The following ZFYVE16 variants were observed in gnomAD, a reference collection of about 807,000 sequenced individuals.
ZFYVE16 encodes zinc finger FYVE domain-containing protein 16.
A neutral mutation model predicts 138.1 loss-of-function variants in ZFYVE16; 89 were observed. The observed-to-expected ratio is 0.64, with a 90% CI of 0.54 to 0.77. ZFYVE16 has a LOEUF of 0.77. ZFYVE16 is among the 30% of genes least tolerant of loss of function. The pLI is 0.00. For missense variants in ZFYVE16, 1,793 were observed against 1,786.7 expected, an observed-to-expected ratio of 1.00 and a Z score of -0.06; for synonymous variants, 596 against 618.3, an observed-to-expected ratio of 0.96 and a Z score of 0.53.
At chr5:80,450,113 A>G (rs565364590) in intron 9 of ZFYVE16, among the ~76,000 whole-genome samples, 1 of 152,338 alleles carries the variant, frequency 6.6e-6, no homozygotes, top group African/African-American at 2.4e-5. Context: ...AAAAGGAAGT[A>G]ATCATTAATA....
At chr5:80,435,136 G>A (rs1368330501) in intron 3 of ZFYVE16, among the ~76,000 whole-genome samples, 1 of 152,190 alleles carries the variant, frequency 6.6e-6, no homozygotes, top group Non-Finnish European at 1.5e-5. Flanking sequence ...CCAGGTTCAA[G>A]CGATTCTCCT....
chr5:80,437,891 A>G lies in ZFYVE16; in HGVS notation c.1206A>G (p.Glu402=), dbSNP rs1025330611. The G allele has an allele frequency of 5.0e-6, 8 of 1,614,100 alleles. No homozygotes were observed. Among genetic ancestry groups the G allele is most frequent in the African/African-American group, 1.3e-5 (1 of 75,054 alleles). ...GGGGTGATTTTTTACCTCAGCATGA[A>G]CATAAAGATAATATACAAGATGCAG... is the stretch of plus-strand genomic sequence containing the variant. ...KARGDFLPQH[E]HKDNIQDAVT... is the part of the protein sequence containing the mutation. Residue 402 remains glutamate (E), a synonymous_variant, in exon 4 of 19, where the codon GAA becomes GAG. Transcript: ENST00000505560.
intron 15 of ZFYVE16, 33 bp from the exon 16 acceptor site, chr5:80,472,728 C>A (rs749142718): frequency 6.3e-6 from 10 of 1,599,024 alleles, no homozygotes; most frequent in Non-Finnish European, 6.8e-6. Flanking sequence ...TGGTATTTGG[C>A]AAAAGAAATG....
chr5:80,426,200 TG>T (rs879602861), intron 1 of ZFYVE16, among the ~76,000 whole-genome samples: 4,536 of 65,378 alleles, frequency 0.069, 75 homozygotes, highest in African/African-American at 0.076. Context: ...TGTGTGTGTG[TG>T]GTGTGTGTGT....
intron 2 of ZFYVE16, among the ~76,000 whole-genome samples, chr5:80,428,017 G>A (rs997385846): frequency 1.5e-4 from 22 of 145,560 alleles, no homozygotes; most frequent in African/African-American, 2.5e-4. Flanking sequence ...CAAGATGGCC[G>A]AATAGGAACA....
intron 1 of ZFYVE16, among the ~76,000 whole-genome samples, chr5:80,426,888 T>C (rs1399870911): frequency 6.6e-6 from 1 of 152,204 alleles, no homozygotes; most frequent in African/African-American, 2.4e-5. Flanking sequence ...AGTGTTCCTA[T>C]TTCTCCACAG....
At chr5:80,460,004 T>C (rs1232404690) in intron 15 of ZFYVE16, among the ~76,000 whole-genome samples, 3 of 152,190 alleles carry the variant, frequency 2.0e-5, no homozygotes, top group African/African-American at 4.8e-5. Context: ...CTGTAAAATA[T>C]ATATGCAAGA....
At chr5:80,470,065 G>A (rs754415439) in intron 15 of ZFYVE16, among the ~76,000 whole-genome samples, 23 of 25,606 alleles carry the variant, frequency 9.0e-4, no homozygotes, top group South Asian at 7.6e-3. Flanking sequence ...GTATATATAC[G>A]TGTGTGTGTG....
At chr5:80,416,195 T>G (rs1321182952) in intron 1 of ZFYVE16, among the ~76,000 whole-genome samples, 2 of 151,932 alleles carry the variant, frequency 1.3e-5, no homozygotes, top group South Asian at 4.2e-4. Context: ...GAGATTTGTC[T>G]TTTCCCCAAT....
intron 18 of ZFYVE16, among the ~76,000 whole-genome samples, chr5:80,475,841 A>G (rs1045082481): frequency 1.3e-5 from 2 of 152,200 alleles, no homozygotes; most frequent in Non-Finnish European, 2.9e-5. Flanking sequence ...TTCTGAGTAG[A>G]ATTGCCAGGC....
chr5:80,454,060 T>C (rs1302752394), intron 11 of ZFYVE16: 3 of 152,242 alleles, frequency 2.0e-5, no homozygotes, highest in African/African-American at 7.2e-5. Context: ...ATCGTTTTTA[T>C]GTCTTTTCAC....
At chr5:80,471,084 C>T (rs1477977550) in intron 15 of ZFYVE16, among the ~76,000 whole-genome samples, 1 of 152,094 alleles carries the variant, frequency 6.6e-6, no homozygotes, top group Non-Finnish European at 1.5e-5. Context: ...GTTCATAGCT[C>T]TGGGAATGGA....
rs201964920 is a variant in ZFYVE16, at chr5:80,418,711, C to CT, written c.-93-8779dup. On this transcript the variant is annotated intron_variant, in intron 1 of 18. Transcript: ENST00000505560. ...GTTTTGCAGATATTCCAGTCTATGG[C>CT]TTGTCTTCTTATTCTCTTAACAGTA... Among the ~76,000 whole-genome samples the CT allele has an allele frequency of 2.0e-5, 3 of 152,128 alleles. No individual in the cohort carries two copies. The East Asian group carries it at 5.8e-4, about 29-fold the overall frequency.
chr5:80,453,703 C>CTG (rs1393499006), intron 11 of ZFYVE16, among the ~76,000 whole-genome samples: 1 of 152,048 alleles, frequency 6.6e-6, no homozygotes, highest in Non-Finnish European at 1.5e-5. Flanking sequence ...TAGATGTGAA[C>CTG]TGTGTGTGTG....
In ZFYVE16 at chr5:80,477,405, C is replaced by T; in HGVS notation, c.*28C>T. ...AAAGAATGTGCCATATTACATATTG[C>T]AACCTAATTTGTTAAAACTAACTCC... On this transcript the variant is annotated 3_prime_UTR_variant, in exon 19 of 19. Coordinates refer to ENST00000505560, the MANE Select transcript of ZFYVE16 (RefSeq NM_001284236.3). 2 of 1,583,580 alleles carry T rather than the reference C, an allele frequency of 1.3e-6. No homozygotes were observed. The highest frequency in any genetic ancestry group is 8.6e-7 in the Non-Finnish European group (1 of 1,169,112).
chr5:80,411,591 CT>C (rs1030426052), intron 1 of ZFYVE16: 29 of 152,242 alleles, frequency 1.9e-4, no homozygotes, highest in African/African-American at 5.3e-4. Context: ...GAGTTGTGAT[CT>C]TTAGTTATCT....
chr5:80,428,075 T>G (rs1748401705), intron 2 of ZFYVE16, among the ~76,000 whole-genome samples: 1 of 151,114 alleles, frequency 6.6e-6, no homozygotes, highest in African/African-American at 2.4e-5. Context: ...GACGGGTGAT[T>G]TCTGCATTTC....
At chr5:80,451,975 A>G (rs890551142) in intron 11 of ZFYVE16, 3 of 376,100 alleles carry the variant, frequency 8.0e-6, no homozygotes, top group East Asian at 1.1e-4. Context: ...AAACTTTCAC[A>G]GTGCAGGTTG....
chr5:80,419,015 G>A (rs1228352995), intron 1 of ZFYVE16, among the ~76,000 whole-genome samples: 1 of 150,028 alleles, frequency 6.7e-6, no homozygotes, highest in Non-Finnish European at 1.5e-5. Context: ...TGAAAAGACT[G>A]TCCATTCTCC....
Sources: gnomAD v4.1 joint callset for allele counts (sites outside exome capture counted in the v4.1 genomes callset) on GRCh38, gnomAD v4.1.1 for gene constraint, MANE v1.5 for transcripts, NCBI Gene and HGNC (gene_info 2026-07-23, HGNC 2026-07-21) for gene names.